Variants in ZFR2 observed in about 807,000 individuals in gnomAD.
ZFR2 encodes zinc finger RNA binding protein 2.
ZFR2 carries 104 observed loss-of-function variants against 105.7 expected under a neutral mutation model. The observed-to-expected ratio is 0.98, with a 90% CI of 0.84 to 1.16. The LOEUF (loss-of-function observed/expected upper bound fraction) is 1.16, where lower values mean the gene tolerates loss of function less well. Ranked by LOEUF, ZFR2 falls within the 50% of genes most tolerant of loss-of-function variation. The probability of loss-of-function intolerance (pLI) is 0.00; values close to 1 mark genes in which losing one functional copy is unlikely to be tolerated. For synonymous variants in ZFR2, 634 were observed against 597.7 expected (o/e 1.06, Z -0.89); for missense variants, 1,425 against 1,355.5 (o/e 1.05, Z -0.80).
chr19:3,827,120 T>G (rs1374242267), intron 6 of ZFR2, among the ~76,000 whole-genome samples: 1 of 152,084 alleles, frequency 6.6e-6, no homozygotes, highest in East Asian at 1.9e-4. Context: ...CGGATGCCTG[T>G]GATCCCAGCT....
At chr19:3,808,806 T>C in intron 17 of ZFR2, 66 bp downstream of exon 17, 1 of 1,341,624 alleles carries the variant, frequency 7.5e-7, no homozygotes, top group Non-Finnish European at 1.0e-6. Context: ...CTCTGTGCCA[T>C]GGCCACGGGC....
chr19:3,866,590 T>G (rs1040164301), intron 1 of ZFR2, among the ~76,000 whole-genome samples: 5 of 152,174 alleles, frequency 3.3e-5, no homozygotes, highest in Admixed American at 3.3e-4. Flanking sequence ...ACATAAACAT[T>G]CAATTTCTCC....
At chr19:3,868,503 A>C (rs1465896052) in intron 1 of ZFR2, among the ~76,000 whole-genome samples, 299 of 90,848 alleles carry the variant, frequency 3.3e-3, no homozygotes, top group Middle Eastern at 7.0e-3. Flanking sequence ...ATCCCCACCC[A>C]CTCCCCGGCC....
rs2037676079 is a variant in ZFR2, at chr19:3,804,381, G to C, written c.*1568C>G. 6.6e-6 allele frequency: 1 copy of C among 152,106 alleles called. No homozygotes were observed. Among genetic ancestry groups the C allele is most frequent in the Non-Finnish European group, 1.5e-5 (1 of 68,050 alleles). 9.4% of individuals were successfully genotyped at this position (152,106 alleles called of 1,614,324 possible). ...CGGGTCCCGGGCCCTGCTACCACAA[G>C]GGGGGATTGGGGACCCCCTGCCTCA... On this transcript the variant is annotated 3_prime_UTR_variant, in exon 19 of 19. Coordinates refer to ENST00000262961, the MANE Select transcript of ZFR2 (RefSeq NM_015174.2).
rs1261343914 is a variant in ZFR2, at chr19:3,867,058, G to T, written c.53+1907C>A. 4.6e-5 allele frequency among the ~76,000 whole-genome samples: 7 copies of T among 152,084 alleles called. No homozygotes were observed. The East Asian group carries it at 1.4e-3, about 29-fold the overall frequency. On this transcript the variant is annotated intron_variant, in intron 1 of 18. Coordinates refer to ENST00000262961, the MANE Select transcript of ZFR2 (RefSeq NM_015174.2). ...GCAATATCACAGCACTGGTGGAAGG[G>T]TCGGCACTGCCGCTCCACCGCGGGA...
intron 11 of ZFR2, among the ~76,000 whole-genome samples, 177 bp downstream of exon 11, chr19:3,820,005 G>A (rs1199253464): frequency 2.0e-5 from 3 of 152,216 alleles, no homozygotes; most frequent in Non-Finnish European, 2.9e-5. Flanking sequence ...GTGGCCAGTG[G>A]CAGGGGCTGG....
At chr19:3,822,276 C>T (rs1423071918) in intron 8 of ZFR2, 76 bp from the exon 9 acceptor site, 2 of 1,530,234 alleles carry the variant, frequency 1.3e-6, no homozygotes, top group Admixed American at 2.0e-5. Flanking sequence ...TGCCAGGTCG[C>T]GGCGGAGCCT....
intron 17 of ZFR2, among the ~76,000 whole-genome samples, chr19:3,807,963 G>A (rs1238210622): frequency 6.7e-6 from 1 of 149,342 alleles, no homozygotes; most frequent in African/African-American, 2.5e-5. Context: ...TCATGTCTGT[G>A]TGTGCCCGTG....
intron 1 of ZFR2, chr19:3,855,664 G>A: frequency 2.6e-6 from 1 of 386,734 alleles, no homozygotes; most frequent in Non-Finnish European, 4.5e-6. Context: ...TGAGCAGGGG[G>A]TTGCACTTTC....
intron 14 of ZFR2, among the ~76,000 whole-genome samples, chr19:3,811,582 G>A (rs1156676333): frequency 6.6e-6 from 1 of 151,664 alleles, no homozygotes; most frequent in East Asian, 1.9e-4. Context: ...AGCCTTCCAA[G>A]TAGCTGGGAT....
chr19:3,812,568 C>T (rs2037777026), intron 14 of ZFR2, among the ~76,000 whole-genome samples: 1 of 152,084 alleles, frequency 6.6e-6, no homozygotes, highest in South Asian at 2.1e-4. Context: ...GAAAGAGCCA[C>T]TGTCTAGTGG....
rs1043770527 is a variant in ZFR2, at chr19:3,831,985, C to A, written c.380-107G>T. On this transcript the variant is annotated intron_variant, in intron 3 of 18. Coordinates refer to ENST00000262961, the MANE Select transcript of ZFR2 (RefSeq NM_015174.2). ...GGCTGGAACACGCTAGATGCTTAAG[C>A]CAGGACCAGAGGCCAGAGCCTTGGG... The A allele has an allele frequency of 4.1e-6, 4 of 976,734 alleles. No homozygotes were observed. The Admixed American group carries it at 9.8e-5, about 24-fold the overall frequency. The allele number at this position is 976,734 out of a possible 1,614,324, so 60.5% of individuals were successfully genotyped here.
chr19:3,814,003 G>A, intron 13 of ZFR2, 45 bp from the exon 14 acceptor site: 5 of 1,608,886 alleles, frequency 3.1e-6, no homozygotes, highest in Non-Finnish European at 3.4e-6. Flanking sequence ...CTGCAGCCCA[G>A]ATTCATGTGT....
intron 17 of ZFR2, among the ~76,000 whole-genome samples, chr19:3,808,337 C>G (rs185780849): frequency 6.6e-6 from 1 of 152,270 alleles, no homozygotes; most frequent in East Asian, 1.9e-4. Flanking sequence ...TCCCTTTTCA[C>G]TTGCTATCAT....
Position 3,838,190 on chromosome 19 carries a change from C to T in ZFR2, c.54-3207G>A, listed in dbSNP as rs752544146. Among the ~76,000 whole-genome samples the T allele has an allele frequency of 6.6e-6, 1 of 151,998 alleles. No individual in the cohort carries two copies. The highest frequency in any genetic ancestry group is 1.5e-5 in the Non-Finnish European group (1 of 67,986). ...CGATGAACACCATGACCGTGACACC[C>T]GATGAACATCCCGACAATACATTCG... On this transcript the variant is annotated intron_variant, in intron 1 of 18. Transcript: ENST00000262961. This position sits in a 1 kb window ranked among gnomAD's most constrained non-coding sequence, Gnocchi z 4.9.
chr19:3,839,480 A>G (rs1429392555), intron 1 of ZFR2, among the ~76,000 whole-genome samples: 1 of 127,056 alleles, frequency 7.9e-6, no homozygotes, highest in Non-Finnish European at 1.6e-5. Context: ...CGGAGGCTGC[A>G]GTGAGCCGAG....
At chr19:3,849,835 C>T (rs1192553283) in intron 1 of ZFR2, among the ~76,000 whole-genome samples, 2 of 152,186 alleles carry the variant, frequency 1.3e-5, no homozygotes, top group African/African-American at 4.8e-5. Flanking sequence ...AGCCAGGGCG[C>T]AGGGAAAATG....
intron 13 of ZFR2, among the ~76,000 whole-genome samples, chr19:3,814,801 T>C (rs2037807765): frequency 6.6e-6 from 1 of 152,000 alleles, no homozygotes; most frequent in South Asian, 2.1e-4. Context: ...CCTCCCCACT[T>C]CCCTAAGAAT....
chr19:3,814,440 C>G (rs1422725091), intron 13 of ZFR2, among the ~76,000 whole-genome samples: 1 of 152,216 alleles, frequency 6.6e-6, no homozygotes, highest in Non-Finnish European at 1.5e-5. Flanking sequence ...TCTTCCTGTC[C>G]ATGGTCATCA....
Sources: allele counts gnomAD v4.1 joint callset (sites outside exome capture counted in the v4.1 genomes callset), GRCh38; gene constraint gnomAD v4.1.1; non-coding constraint Gnocchi (gnomAD v3.1); transcripts MANE v1.5; gene names NCBI Gene and HGNC (gene_info 2026-07-23, HGNC 2026-07-21).